Variants in IL10RB observed in about 807,000 individuals in gnomAD.
IL10RB encodes the protein interleukin-10 receptor subunit beta.
In IL10RB, 30 loss-of-function variants were observed where a neutral mutation model predicts 38.7. That is an observed-to-expected ratio of 0.78 (90% CI 0.58 to 1.05). The LOEUF is 1.05. IL10RB is among the 50% of genes least tolerant of loss of function. The pLI is 0.00. For synonymous variants in IL10RB, 142 were observed against 145.9 expected (o/e 0.97, Z 0.19); for missense variants, 328 against 397.1 (o/e 0.83, Z 1.48).
intron 6 of IL10RB, among the ~76,000 whole-genome samples, chr21:33,291,650 T>C (rs1989489583): frequency 6.6e-6 from 1 of 152,156 alleles, no homozygotes; most frequent in South Asian, 2.1e-4. Flanking sequence ...ACCTTGGGAA[T>C]CCTGACAGGC....
At chr21:33,274,780 C>T (rs1165953165) in intron 2 of IL10RB, among the ~76,000 whole-genome samples, 1 of 152,192 alleles carries the variant, frequency 6.6e-6, no homozygotes, top group African/African-American at 2.4e-5. Flanking sequence ...GTAGATTTGG[C>T]ATAATTCTTA....
At chr21:33,293,827 A>G (rs567898814) in intron 6 of IL10RB, among the ~76,000 whole-genome samples, 10 of 149,758 alleles carry the variant, frequency 6.7e-5, no homozygotes, top group Non-Finnish European at 1.3e-4. Flanking sequence ...AAAAAGTACC[A>G]AGGAGACTGC....
rs2054664483 is a variant in IL10RB at position 33,270,037 on chromosome 21, AC to A, written c.173+1521del. 2.0e-5 allele frequency among the ~76,000 whole-genome samples: 3 copies of A among 151,942 alleles called. No individual in the cohort carries two copies. In the South Asian group the frequency reaches 6.2e-4, roughly 32 times the overall value. On this transcript the variant is annotated intron_variant, in intron 2 of 6. Coordinates refer to ENST00000290200, the MANE Select transcript of IL10RB (RefSeq NM_000628.5). Reference sequence around the variant, plus strand: ...CATGCCCTTTGTGCTGTAATATTTCACTGTGTATTTCACAAGAACAAGGATA... The same window carrying A: ...CATGCCCTTTGTGCTGTAATATTTCATGTGTATTTCACAAGAACAAGGATA...
At chr21:33,291,229 TAC>T (rs1437349647) in intron 6 of IL10RB, among the ~76,000 whole-genome samples, 1 of 152,008 alleles carries the variant, frequency 6.6e-6, no homozygotes, top group East Asian at 1.9e-4. Flanking sequence ...TATCTCCAAA[TAC>T]AGTCACATTC....
chr21:33,309,450 A>G (rs2083006726), exon 2 of IL10RB: 1 of 152,244 alleles, frequency 6.6e-6, no homozygotes, highest in Non-Finnish European at 1.5e-5. Flanking sequence ...CTATGGTCTT[A>G]GCAGTTGCAC....
At chr21:33,309,858 A>G (rs1194396639) in exon 2 of IL10RB, 1 of 152,196 alleles carries the variant, frequency 6.6e-6, no homozygotes, top group Non-Finnish European at 1.5e-5. Context: ...AGGACAGGTA[A>G]TGTTACCAAC....
intron 3 of IL10RB, 105 bp from the exon 4 acceptor site, chr21:33,279,647 C>T: frequency 3.3e-6 from 3 of 920,584 alleles, no homozygotes; most frequent in East Asian, 2.4e-5. Flanking sequence ...TATATCAAAG[C>T]AGTGTACTTC....
At chr21:33,295,658 C>T (rs2515721) in intron 6 of IL10RB, among the ~76,000 whole-genome samples, 15 of 116,610 alleles carry the variant, frequency 1.3e-4, no homozygotes, top group African/African-American at 4.7e-4. Context: ...GACGACAGAG[C>T]GAGACTCCAT....
intron 1 of IL10RB, chr21:33,268,094 TG>T: frequency 1.6e-6 from 1 of 629,002 alleles, no homozygotes; most frequent in Non-Finnish European, 2.4e-6. Context: ...TTTTTACGTC[TG>T]GAAATATATC....
intron 5 of IL10RB, among the ~76,000 whole-genome samples, chr21:33,287,020 A>G (rs1989386567): frequency 6.6e-6 from 1 of 152,092 alleles, no homozygotes; most frequent in Non-Finnish European, 1.5e-5. Context: ...CTAGGCTTCT[A>G]CCCTCCCACA....
chr21:33,294,415 G>A (rs564091787), intron 6 of IL10RB, among the ~76,000 whole-genome samples: 67 of 151,670 alleles, frequency 4.4e-4, no homozygotes, highest in African/African-American at 1.5e-3. Flanking sequence ...GTGTCCAACC[G>A]GGAGACTCAG....
chr21:33,302,077 G>A (rs1190677213), downstream of IL10RB, among the ~76,000 whole-genome samples: 1 of 152,178 alleles, frequency 6.6e-6, no homozygotes, highest in Non-Finnish European at 1.5e-5. Context: ...TGCCTTCTTG[G>A]ACAGCACACT....
At chr21:33,271,309 G>T (rs1424051631) in intron 2 of IL10RB, among the ~76,000 whole-genome samples, 3 of 152,226 alleles carry the variant, frequency 2.0e-5, no homozygotes, top group African/African-American at 7.2e-5. Context: ...CCAGAGCCGG[G>T]GGCACTTCAG....
Position 33,296,775 on chromosome 21 carries a change from C to T in IL10RB, c.*418C>T, listed in dbSNP as rs2082969111. The T allele has an allele frequency of 2.0e-5, 7 of 354,110 alleles. No homozygotes were observed. The Admixed American group carries it at 2.3e-4, about 12-fold the overall frequency. The allele number at this position is 354,110 out of a possible 1,614,324, so 21.9% of individuals were successfully genotyped here. A position where few individuals can be genotyped will look rare whatever the true frequency, so the allele number is the denominator to read the frequency against. ...CCAGCCTGGCCAATATGGTGAAACC[C>T]AGTCTCTACTAAAAATACAAAAATT... On this transcript the variant is annotated 3_prime_UTR_variant, in exon 7 of 7. Transcript: ENST00000290200.
intron 5 of IL10RB, among the ~76,000 whole-genome samples, chr21:33,286,833 A>G (rs1989383452): frequency 6.6e-6 from 1 of 152,220 alleles, no homozygotes; most frequent in South Asian, 2.1e-4. Context: ...AGCCTGGACA[A>G]CAGAACAAGA....
chr21:33,280,612 T>C (rs1046332736), intron 4 of IL10RB, among the ~76,000 whole-genome samples: 4 of 152,210 alleles, frequency 2.6e-5, no homozygotes, highest in Non-Finnish European at 5.9e-5. Context: ...CTAGACATGT[T>C]AAGGTTATTT....
At chr21:33,299,436 T>C (rs6517158), downstream of IL10RB, among the ~76,000 whole-genome samples, 33,646 of 151,984 alleles carry the variant, frequency 0.22, 3,868 homozygotes, top group East Asian at 0.38. Context: ...GTTTGAAAGA[T>C]TCCCTGAGGG....
intron 1 of IL10RB, among the ~76,000 whole-genome samples, chr21:33,303,371 T>C (rs1244023994): frequency 6.9e-4 from 76 of 109,800 alleles, no homozygotes; most frequent in South Asian, 1.6e-3. Flanking sequence ...TTTTTTTTTT[T>C]TGAGACAGAG....
chr21:33,276,842 T>G, intron 3 of IL10RB, 89 bp downstream of exon 3: 1 of 1,072,602 alleles, frequency 9.3e-7, no homozygotes, highest in Non-Finnish European at 1.4e-6. Context: ...AAGAATTCTT[T>G]GAGGGCCCAC....
Sources: gnomAD v4.1 joint callset for allele counts (sites outside exome capture counted in the v4.1 genomes callset) on GRCh38, gnomAD v4.1.1 for gene constraint, MANE v1.5 for transcripts, NCBI Gene and HGNC (gene_info 2026-07-23, HGNC 2026-07-21) for gene names.